The following INTS1 variants were observed in gnomAD, a reference collection of about 807,000 sequenced individuals.
INTS1 encodes the protein integrator complex subunit 1.
A neutral mutation model predicts 241.6 loss-of-function variants in INTS1; 137 were observed. That is an observed-to-expected ratio of 0.57 (90% confidence interval 0.49 to 0.65). The LOEUF is 0.65. Among genes scored for constraint, INTS1 ranks in the 30% least tolerant of loss-of-function variants. The pLI, the probability that INTS1 is intolerant of heterozygous loss-of-function variation, is 0.00. For missense variants in INTS1, 3,073 were observed against 3,032.2 expected (o/e 1.01, Z -0.32); for synonymous variants, 1,692 against 1,337.8 (o/e 1.26, Z -5.78).
Position 1,486,840 on chromosome 7 carries a change from C to T in INTS1, c.2827-66G>A, listed in dbSNP as rs1486727502. ...CCAGGCGGGTAGGACGTGGGGTGCG[C>T]GGCTGGTGGGCTCAGGCATGGGTTG... On this transcript the variant is annotated intron_variant, in intron 21 of 47. Transcript: ENST00000404767. 15 of 1,430,430 alleles carry T rather than the reference C, an allele frequency of 1.0e-5. No homozygotes were observed. In the East Asian group the frequency reaches 3.2e-4, roughly 30 times the overall value. 88.6% of individuals were successfully genotyped at this position (1,430,430 alleles called of 1,614,324 possible).
At chr7:1,473,262 G>T in intron 42 of INTS1, 78 bp from the exon 43 acceptor site, 4 of 1,019,712 alleles carry the variant, frequency 3.9e-6, no homozygotes, top group Non-Finnish European at 4.5e-6. Context: ...AACTAGGGTG[G>T]CATGGGAGCG....
chr7:1,474,871 C>G, intron 39 of INTS1, 33 bp from the exon 40 acceptor site: 1 of 1,550,090 alleles, frequency 6.5e-7, no homozygotes, highest in Non-Finnish European at 8.7e-7. Flanking sequence ...GCCGGGGCCG[C>G]TGGCTCCCCT....
Position 1,489,353 on chromosome 7 carries a change from A to G in INTS1, c.2309T>C (p.Val770Ala). 1 of 655,390 alleles carries G rather than the reference A, an allele frequency of 1.5e-6. No individual in the cohort carries two copies. The allele number at this position is 655,390 out of a possible 1,614,324, so 40.6% of individuals were successfully genotyped here. A position where few individuals can be genotyped will look rare whatever the true frequency, so the allele number is the denominator to read the frequency against. ...YPTLKMLMEMVMTNNYSYPPC... is the reference protein window; with the variant it reads ...YPTLKMLMEMAMTNNYSYPPC... Reference sequence around the variant, plus strand: ...GGACGTGCGCACTCACTTGGTCATCACCATCTCCATGAGCATCTTCAGGGT... The same window carrying G: ...GGACGTGCGCACTCACTTGGTCATCGCCATCTCCATGAGCATCTTCAGGGT... Residue 770 changes from valine to alanine, a missense_variant, in exon 18 of 48, where the codon GTG (valine) becomes GCG (alanine). By Grantham distance (64) the Val-to-Ala change is moderately conservative. Transcript: ENST00000404767.
At position 1,478,384 on chromosome 7, in the gene INTS1, G is replaced by A. The variant is rs765874159; in HGVS notation, c.4612C>T (p.Pro1538Ser). ...LRSGEQCSVE[P>S]DLISKVLQGL... ...AAGGTACCTTTGCTGATCAGGTCCG[G>A]CTCCACGCTGCACTGCTCCCCAGAC... is the stretch of plus-strand genomic sequence containing the variant. Residue 1538 changes from proline (P) to serine (S), a missense_variant, in exon 33 of 48, where the codon CCG (proline) becomes TCG (serine). Physicochemically the swap from Pro to Ser is moderately conservative, Grantham distance 74. Coordinates refer to ENST00000404767, the MANE Select transcript of INTS1 (RefSeq NM_001080453.3). 2.5e-6 allele frequency: 4 copies of A among 1,612,516 alleles called. No individual in the cohort carries two copies. The African/African-American group carries it at 5.3e-5, about 22-fold the overall frequency.
intron 2 of INTS1, 26 bp from the exon 3 acceptor site, chr7:1,503,217 G>C (rs751356443): frequency 6.6e-7 from 1 of 1,515,558 alleles, no homozygotes; most frequent in East Asian, 2.3e-5. Context: ...AGAGAAAACC[G>C]GGCACATTTG....
At chr7:1,484,975 C>T (rs1782181140) in intron 24 of INTS1, 123 bp downstream of exon 24, 1 of 565,100 alleles carries the variant, frequency 1.8e-6, no homozygotes, top group Admixed American at 3.1e-5. Context: ...ACACTGCCGG[C>T]TGGCCCCGTC....
At position 1,486,775 on chromosome 7, in the gene INTS1, C is replaced by G; in HGVS notation, c.2827-1G>C. Reference sequence around the variant, plus strand: ...GCAGCTGCCGCTGCTTCTGTTGCCTCTGCAGGGAGGAAGGGGCTCTCAGGG... The same window carrying G: ...GCAGCTGCCGCTGCTTCTGTTGCCTGTGCAGGGAGGAAGGGGCTCTCAGGG... On this transcript the variant is annotated splice_acceptor_variant, in intron 21 of 47. Transcript: ENST00000404767. LOFTEE classifies it high-confidence loss of function. 6.2e-7 allele frequency: 1 copy of G among 1,612,180 alleles called. No homozygotes were observed. Among genetic ancestry groups the G allele is most frequent in the Admixed American group, 1.7e-5 (1 of 59,978 alleles).
chr7:1,483,433 C>T lies in INTS1; in HGVS notation c.3541+309G>A, dbSNP rs1038135726. ...CCCGAGTTTGCCGCCTCCCAGGCAC[C>T]GCAGGCCTACACGGTTAGGCTGGGG... On this transcript the variant is annotated intron_variant, in intron 26 of 47. Transcript: ENST00000404767. The T allele has an allele frequency of 2.2e-5, 10 of 459,740 alleles. 1 individual carries two copies. In the East Asian group the frequency reaches 2.9e-4, roughly 14 times the overall value. 28.5% of individuals were successfully genotyped at this position (459,740 alleles called of 1,614,324 possible).
intron 11 of INTS1, 141 bp from the exon 12 acceptor site, chr7:1,496,405 G>A (rs1277043809): frequency 4.1e-6 from 2 of 485,410 alleles, no homozygotes; most frequent in Admixed American, 3.9e-5. Context: ...GCGGCACGGG[G>A]TCTGTATCCA....
In INTS1 at chr7:1,482,665, G is replaced by T; in HGVS notation, c.3584C>A (p.Pro1195Gln). The T allele has an allele frequency of 6.2e-7, 1 of 1,612,740 alleles. No individual in the cohort carries two copies. The change falls in exon 27 of 48, where the codon CCG (proline) becomes CAG (glutamine). Residue 1195 changes from proline (P) to glutamine (Q), a missense_variant. Pro to Gln is a moderately conservative substitution (Grantham distance 76, BLOSUM62 -1). Transcript: ENST00000404767. Reference protein sequence around the residue: ...EFQALLDIWFPEEKPLPTAFL... With the variant: ...EFQALLDIWFQEEKPLPTAFL... ...GGCGGTGGGCAGTGGCTTCTCCTCC[G>T]GAAACCAGATGTCCAGCAGCGCCTG...
Position 1,481,193 on chromosome 7 carries a change from A to G in INTS1, c.3850+149T>C. Reference sequence around the variant, plus strand: ...CCTCCTGACTGTGCCAGCCTCACCAACCCACAGGTCTAAGCCTGCCCTCGA... The same window carrying G: ...CCTCCTGACTGTGCCAGCCTCACCAGCCCACAGGTCTAAGCCTGCCCTCGA... On this transcript the variant is annotated intron_variant, in intron 28 of 47. Coordinates refer to ENST00000404767, the MANE Select transcript of INTS1 (RefSeq NM_001080453.3). The surrounding 1 kb of genome is among the most constrained non-coding windows in gnomAD (Gnocchi z 6.8). The G allele has an allele frequency of 1.1e-6, 1 of 939,268 alleles. No homozygotes were observed. Among genetic ancestry groups the G allele is most frequent in the Admixed American group, 2.0e-5 (1 of 50,104 alleles). The allele number at this position is 939,268 out of a possible 1,614,324, so 58.2% of individuals were successfully genotyped here.
chr7:1,499,761 T>G, intron 5 of INTS1, 123 bp downstream of exon 5: 1 of 1,464,982 alleles, frequency 6.8e-7, no homozygotes, highest in Non-Finnish European at 9.2e-7. Flanking sequence ...GCAGGGACCG[T>G]GCCATCACCA....
intron 16 of INTS1, among the ~76,000 whole-genome samples, chr7:1,491,681 G>A (rs1333701050): frequency 2.6e-5 from 4 of 152,224 alleles, no homozygotes; most frequent in Admixed American, 6.5e-5. Flanking sequence ...CAGGAGGACT[G>A]CTTGAGCCCA....
At chr7:1,479,229 G>A (rs574715032) in intron 31 of INTS1, among the ~76,000 whole-genome samples, 5 of 152,320 alleles carry the variant, frequency 3.3e-5, no homozygotes, top group South Asian at 4.1e-4. Context: ...GGCGGACGCC[G>A]CACTGCCCCC....
rs1426237024 is a variant in INTS1, at chr7:1,481,673, T to C, written c.3704-185A>G. Among the ~76,000 whole-genome samples the C allele has an allele frequency of 7.0e-6, 1 of 142,688 alleles. No individual in the cohort carries two copies. The highest frequency in any genetic ancestry group is 2.7e-5 in the African/African-American group (1 of 37,496). The allele number at this position is 142,688 out of a possible 152,430, so 93.6% of individuals were successfully genotyped here. On this transcript the variant is annotated intron_variant, in intron 27 of 47. Transcript: ENST00000404767. This position sits in a 1 kb window ranked among gnomAD's most constrained non-coding sequence, Gnocchi z 6.8. The stretch of plus-strand genomic sequence containing the variant: ...CACTCGGCAGCCCCACCTGAGACCC[T>C]GGGCCACGTGGGCTCGGTGACCCCA...
rs1415213359 is a variant in INTS1 at position 1,493,725 on chromosome 7, A to C, written c.2068+29T>G. The C allele has an allele frequency of 6.4e-7, 1 of 1,555,142 alleles. No homozygotes were observed. Among genetic ancestry groups the C allele is most frequent in the Non-Finnish European group, 8.7e-7 (1 of 1,150,494 alleles). On this transcript the variant is annotated intron_variant, in intron 15 of 47. Transcript: ENST00000404767. This position sits in a 1 kb window ranked among gnomAD's most constrained non-coding sequence, Gnocchi z 5.3. ...CAGGGACGAGGGGAGCAGACCCAGCACAGGCGCCATCCCCTGCAGAAGCCA... is the reference window on the plus strand; with the variant it reads ...CAGGGACGAGGGGAGCAGACCCAGCCCAGGCGCCATCCCCTGCAGAAGCCA...
chr7:1,493,679 G>T lies in INTS1; in HGVS notation c.2068+75C>A. The T allele has an allele frequency of 4.7e-6, 7 of 1,485,608 alleles. No individual in the cohort carries two copies. In the South Asian group the frequency reaches 9.3e-5, roughly 20 times the overall value. The allele number at this position is 1,485,608 out of a possible 1,614,324, so 92.0% of individuals were successfully genotyped here. On this transcript the variant is annotated intron_variant, in intron 15 of 47. Transcript: ENST00000404767. The surrounding 1 kb of genome is among the most constrained non-coding windows in gnomAD (Gnocchi z 5.3). ...GCTTTGTGGAGCGCCCCAGAGGTGCGTGCCAGAGCCGGGGTTTCTGCAGGG... is the reference window on the plus strand; with the variant it reads ...GCTTTGTGGAGCGCCCCAGAGGTGCTTGCCAGAGCCGGGGTTTCTGCAGGG...
intron 25 of INTS1, 46 bp from the exon 26 acceptor site, chr7:1,483,899 G>A (rs756316947): frequency 1.3e-6 from 2 of 1,590,832 alleles, no homozygotes; most frequent in East Asian, 2.3e-5. Flanking sequence ...CAGGGACCCT[G>A]AGCCAGCGCC....
rs576704145 is a variant in INTS1, at chr7:1,477,680, G to C, written c.4815-7C>G. ...CAGCCGCACGGCCTCCAGGCTGCAG[G>C]GAGAAGGTGGCTCAGGGAAGGGCTG... On this transcript the variant is annotated splice_polypyrimidine_tract_variant and splice_region_variant and intron_variant, in intron 34 of 47. Transcript: ENST00000404767. 2 of 1,598,684 alleles carry C rather than the reference G, an allele frequency of 1.3e-6. No homozygotes were observed. Among genetic ancestry groups the C allele is most frequent in the African/African-American group, 2.7e-5 (2 of 74,778 alleles).
Sources: allele counts gnomAD v4.1 joint callset (sites outside exome capture counted in the v4.1 genomes callset), GRCh38; gene constraint gnomAD v4.1.1; non-coding constraint Gnocchi (gnomAD v3.1); transcripts MANE v1.5; gene names NCBI Gene and HGNC (gene_info 2026-07-23, HGNC 2026-07-21).